The following KNTC1 variants were observed in gnomAD, a reference collection of about 807,000 sequenced individuals.
The protein encoded by KNTC1 is kinetochore associated 1.
In KNTC1, 253 loss-of-function variants were observed where a neutral mutation model predicts 314.4. That is an observed-to-expected ratio of 0.80 (90% CI 0.73 to 0.89). The LOEUF is 0.89. Ranked by LOEUF, KNTC1 falls within the 40% of genes least tolerant of loss-of-function variation. The probability of loss-of-function intolerance (pLI) is 0.00; values close to 1 mark genes in which losing one functional copy is unlikely to be tolerated. For missense variants in KNTC1, 2,475 were observed against 2,572.9 expected (o/e 0.96, Z 0.82); for synonymous variants, 901 against 901.4 (o/e 1.00, Z 0.01).
chr12:122,551,034 G>A (rs954182753), intron 13 of KNTC1, among the ~76,000 whole-genome samples: 2 of 152,078 alleles, frequency 1.3e-5, no homozygotes, highest in Non-Finnish European at 2.9e-5. Context: ...TTTGGTTAAG[G>A]CAGTTCTGTC....
intron 35 of KNTC1, 102 bp downstream of exon 35, chr12:122,584,552 C>A: frequency 1.3e-6 from 1 of 780,200 alleles, no homozygotes; most frequent in Non-Finnish European, 2.0e-6. Context: ...GGTAATCAGA[C>A]TAGAGATAGT....
intron 51 of KNTC1, among the ~76,000 whole-genome samples, chr12:122,606,877 G>T (rs1872640486): frequency 6.6e-6 from 1 of 152,104 alleles, no homozygotes; most frequent in Admixed American, 6.6e-5. Flanking sequence ...CCAAGAACAG[G>T]ATTTTCTCTA....
chr12:122,613,583 G>A, intron 54 of KNTC1, 43 bp from the exon 55 acceptor site: 1 of 1,528,300 alleles, frequency 6.5e-7, no homozygotes. Flanking sequence ...AAATGTAAAT[G>A]TGGCCTATGA....
At chr12:122,589,705 C>G (rs1869890483) in intron 40 of KNTC1, among the ~76,000 whole-genome samples, 1 of 150,634 alleles carries the variant, frequency 6.6e-6, no homozygotes, top group Non-Finnish European at 1.5e-5. Context: ...CTCTTGGCCT[C>G]GAGCAATCCT....
At position 122,546,680 on chromosome 12, in the gene KNTC1, T is replaced by A. The variant is rs1026609004; in HGVS notation, c.816+6T>A. On this transcript the variant is annotated splice_donor_region_variant and intron_variant, in intron 10 of 63. Transcript: ENST00000333479. ...TTTTTGTTCTTGATACTGATGTATG[T>A]TTCTTGTTTCTCCTTCAATGTTTTT... 5.2e-6 allele frequency: 8 copies of A among 1,536,026 alleles called. No homozygotes were observed. In the Admixed American group the frequency reaches 7.4e-5, roughly 14 times the overall value.
intron 51 of KNTC1, among the ~76,000 whole-genome samples, chr12:122,605,704 C>A (rs1463208922): frequency 6.6e-6 from 1 of 151,340 alleles, no homozygotes; most frequent in Non-Finnish European, 1.5e-5. Context: ...TGCTACCACA[C>A]CCGGCTGATT....
chr12:122,625,523 C>T (rs1242426935), intron 63 of KNTC1, among the ~76,000 whole-genome samples: 2 of 150,752 alleles, frequency 1.3e-5, no homozygotes, highest in African/African-American at 4.9e-5. Flanking sequence ...GCCAAGATCA[C>T]ACCATTGTAC....
intron 16 of KNTC1, among the ~76,000 whole-genome samples, chr12:122,553,848 A>G (rs1355968680): frequency 1.3e-5 from 2 of 152,066 alleles, no homozygotes; most frequent in African/African-American, 4.8e-5. Flanking sequence ...AGCAGTTTCA[A>G]CTACTACAGA....
chr12:122,618,227 C>A, intron 57 of KNTC1, 116 bp from the exon 58 acceptor site: 1 of 842,064 alleles, frequency 1.2e-6, no homozygotes, highest in South Asian at 1.5e-5. Context: ...CTGCTTCAGC[C>A]TTTCAAAGTG....
At chr12:122,553,459 A>G (rs933359953) in intron 16 of KNTC1, among the ~76,000 whole-genome samples, 1 of 152,062 alleles carries the variant, frequency 6.6e-6, no homozygotes, top group Non-Finnish European at 1.5e-5. Flanking sequence ...GTTTGAGGCT[A>G]TACTGCAATA....
intron 44 of KNTC1, among the ~76,000 whole-genome samples, chr12:122,599,750 A>G (rs1402293184): frequency 6.6e-6 from 1 of 152,202 alleles, no homozygotes; most frequent in Non-Finnish European, 1.5e-5. Flanking sequence ...TCTAGGTAAC[A>G]ATATTTCATC....
At chr12:122,577,594 T>C (rs1965113217) in intron 30 of KNTC1, 78 bp from the exon 31 acceptor site, 2 of 1,334,544 alleles carry the variant, frequency 1.5e-6, no homozygotes, top group Middle Eastern at 3.9e-4. Context: ...CATCTTTAAA[T>C]AGAAAAGAAA....
rs2137763337 is a variant in KNTC1, at chr12:122,549,328, A to G, written c.988-438A>G. Among the ~76,000 whole-genome samples, 3 of 151,632 alleles carry G rather than the reference A, an allele frequency of 2.0e-5. No individual in the cohort carries two copies. The South Asian group carries it at 6.3e-4, about 32-fold the overall frequency. On this transcript the variant is annotated intron_variant, in intron 12 of 63. Transcript: ENST00000333479. ...TGCCTCGGCCTCCCAAAGTGCTCCC[A>G]TGTGTTTTTGGTTTTTTGTTTTTTA... is the stretch of plus-strand genomic sequence containing the variant.
chr12:122,587,604 C>T (rs1221683589), intron 38 of KNTC1, 107 bp from the exon 39 acceptor site: 1 of 831,824 alleles, frequency 1.2e-6, no homozygotes, highest in Non-Finnish European at 1.8e-6. Context: ...AACTCCATGA[C>T]TATTATCTGT....
At chr12:122,623,560 G>T (rs1397464634) in intron 62 of KNTC1, among the ~76,000 whole-genome samples, 1 of 152,122 alleles carries the variant, frequency 6.6e-6, no homozygotes, top group African/African-American at 2.4e-5. Context: ...TAATAAGCTG[G>T]ACATACTTGA....
chr12:122,573,670 G>A (rs1964841446), intron 26 of KNTC1, among the ~76,000 whole-genome samples: 1 of 152,174 alleles, frequency 6.6e-6, no homozygotes, highest in Non-Finnish European at 1.5e-5. Flanking sequence ...ACATTGGTTC[G>A]ATCTGGAAAG....
intron 33 of KNTC1, among the ~76,000 whole-genome samples, chr12:122,581,027 CAA>C (rs11344365): frequency 1.9e-3 from 220 of 117,886 alleles, no homozygotes; most frequent in East Asian, 4.2e-3. Context: ...GACTCCATCT[CAA>C]AAAAAAAAAA....
At chr12:122,539,790 T>A in intron 5 of KNTC1, 36 bp downstream of exon 5, 1 of 1,378,110 alleles carries the variant, frequency 7.3e-7, no homozygotes, top group Non-Finnish European at 9.9e-7. Flanking sequence ...AATGACTTTT[T>A]TTTTTTTTTT....
At chr12:122,543,454 C>T (rs965452795) in intron 6 of KNTC1, 146 bp from the exon 7 acceptor site, 91 of 588,060 alleles carry the variant, frequency 1.5e-4, no homozygotes, top group African/African-American at 1.2e-3. Context: ...TCACAGTTAG[C>T]GTATTTTGGT....
Sources: allele counts gnomAD v4.1 joint callset (sites outside exome capture counted in the v4.1 genomes callset), GRCh38; gene constraint gnomAD v4.1.1; transcripts MANE v1.5; gene names NCBI Gene and HGNC (gene_info 2026-07-23, HGNC 2026-07-21).